The following FLG2 variants were observed in gnomAD, a reference collection of about 807,000 sequenced individuals.
FLG2 encodes the protein filaggrin 2.
FLG2 carries 7 observed loss-of-function variants against 3.9 expected under a neutral mutation model. The observed-to-expected ratio is 1.79, with a 90% CI of 1.02 to 3.36. The LOEUF (loss-of-function observed/expected upper bound fraction) is 3.36, where lower values mean the gene tolerates loss of function less well. Ranked by LOEUF, FLG2 falls within the 30% of genes most tolerant of loss-of-function variation. The pLI is 0.00. For synonymous variants in FLG2, 1,031 were observed against 1,056.1 expected (o/e 0.98, Z 0.46); for missense variants, 2,700 against 2,809.4 (o/e 0.96, Z 0.88).
At position 152,351,976 on chromosome 1, in the gene FLG2, T is replaced by G. The variant is rs1329118863; in HGVS notation, c.5810A>C (p.His1937Pro). The change falls in exon 3 of 3, where the codon CAT becomes CCT. Residue 1937 changes from histidine to proline, a missense_variant. Physicochemically the swap from His to Pro is moderately conservative, Grantham distance 77 (BLOSUM62 -2). Transcript: ENST00000388718. ...GDTTEHGHPS[H>P]GQTIQTGSRT... ...GGACCCTGTCTGTATGGTTTGTCCATGACTAGGGTGGCCATGTTCAGTGGT... is the reference window on the plus strand; with the variant it reads ...GGACCCTGTCTGTATGGTTTGTCCAGGACTAGGGTGGCCATGTTCAGTGGT... 2 of 1,613,636 alleles carry G rather than the reference T, an allele frequency of 1.2e-6. No individual in the cohort carries two copies. The highest frequency in any genetic ancestry group is 2.7e-5 in the African/African-American group (2 of 74,780).
At position 152,353,112 on chromosome 1, in the gene FLG2, A is replaced by T. The variant is rs1448361140; in HGVS notation, c.4674T>A (p.His1558Gln). 1.3e-5 allele frequency: 21 copies of T among 1,613,352 alleles called. No individual in the cohort carries two copies. Among genetic ancestry groups the T allele is most frequent in the Non-Finnish European group, 1.7e-5 (20 of 1,179,894 alleles). The change falls in exon 3 of 3, where the codon CAT becomes CAA. Residue 1558 changes from histidine (H) to glutamine (Q), a missense_variant. Transcript: ENST00000388718. ...TGGACCCTGTCTGTGTGGTTTGTTCATGACCAGAGTAGGAATGTCTAGTGG... is the reference window on the plus strand; with the variant it reads ...TGGACCCTGTCTGTGTGGTTTGTTCTTGACCAGAGTAGGAATGTCTAGTGG... Reference protein sequence around the residue: ...GDTTRHSYSGHEQTTQTGSRT... With the variant: ...GDTTRHSYSGQEQTTQTGSRT...
Position 152,357,605 on chromosome 1 carries a change from G to A in FLG2, c.181C>T (p.Leu61=), listed in dbSNP as rs932957514. ...AATCTTCTGTCATGATCTCGATCCA[G>A]CATATGCATGATGACATCCACTGTG... The part of the protein sequence containing the change: ...PDTVDVIMHM[L]DRDHDRRLDF... The change falls in exon 3 of 3, where the codon CTG becomes TTG. Residue 61 remains leucine (L), a synonymous_variant. Transcript: ENST00000388718. 2 of 1,613,756 alleles carry A rather than the reference G, an allele frequency of 1.2e-6. No individual in the cohort carries two copies. Among genetic ancestry groups the A allele is most frequent in the African/African-American group, 1.3e-5 (1 of 74,896 alleles).
Position 152,357,060 on chromosome 1 carries a change from A to G in FLG2, c.726T>C (p.Cys242=). Residue 242 remains cysteine, a synonymous_variant, in exon 3 of 3, where the codon TGT becomes TGC. Coordinates refer to ENST00000388718, the MANE Select transcript of FLG2 (RefSeq NM_001014342.3). The part of the protein sequence containing the change: ...WERKGHGGLS[C]GLETSGHESN... ...ATTCATGCCCACTAGTCTCCAATCC[A>G]CATGACAGACCACCATGACCTTTCC... is the stretch of plus-strand genomic sequence containing the variant. 6.2e-7 allele frequency: 1 copy of G among 1,614,168 alleles called. No homozygotes were observed. Among genetic ancestry groups the G allele is most frequent in the Non-Finnish European group, 8.5e-7 (1 of 1,180,028 alleles).
In FLG2 at chr1:152,356,718, TC is replaced by T; in HGVS notation, c.1067del (p.Gly356GlufsTer81). The T allele has an allele frequency of 6.2e-7, 1 of 1,614,170 alleles. No individual in the cohort carries two copies. The highest frequency in any genetic ancestry group is 8.5e-7 in the Non-Finnish European group (1 of 1,180,036). ...TCTGTGGTTGACCATTTTCTCTAGCTCCATATCCTCTCTGACTATAGGACTG... is the reference window on the plus strand; with the variant it reads ...TCTGTGGTTGACCATTTTCTCTAGCTCATATCCTCTCTGACTATAGGACTG... The part of the protein sequence containing the change: ...CSQSYSQRGY[G>X]ARENGQPQNC... On this transcript the variant is annotated frameshift_variant, in exon 3 of 3. Transcript: ENST00000388718. LOFTEE classifies it low-confidence loss of function (END_TRUNC).
rs1362134982 is a variant in FLG2 at position 152,352,807 on chromosome 1, T to G, written c.4979A>C (p.Glu1660Ala). ...TGTGTGTGAGACCCCTGAGTGCACTTCACTGTCACTGGACTCACTGTGGCT... is the reference window on the plus strand; with the variant it reads ...TGTGTGTGAGACCCCTGAGTGCACTGCACTGTCACTGGACTCACTGTGGCT... ...RSSHSESSDS[E>A]VHSGVSHTHT... The change falls in exon 3 of 3, where the codon GAA (glutamate) becomes GCA (alanine). Residue 1660 changes from glutamate to alanine, a missense_variant. Glu to Ala is a moderately radical substitution (Grantham distance 107). Transcript: ENST00000388718. 2 of 1,614,004 alleles carry G rather than the reference T, an allele frequency of 1.2e-6. No homozygotes were observed. The highest frequency in any genetic ancestry group is 8.5e-7 in the Non-Finnish European group (1 of 1,179,978).
chr1:152,348,790 C>T lies in FLG2; in HGVS notation c.*1820G>A, dbSNP rs1436861277. On this transcript the variant is annotated 3_prime_UTR_variant, in exon 3 of 3. Transcript: ENST00000388718. Reference sequence around the variant, plus strand: ...TTTATGAAGTACAATTTTCTGGATCCTATATCCAGAAGGCCATGACAATAA... The same window carrying T: ...TTTATGAAGTACAATTTTCTGGATCTTATATCCAGAAGGCCATGACAATAA... 2.0e-5 allele frequency: 3 copies of T among 152,116 alleles called. No homozygotes were observed. The highest frequency in any genetic ancestry group is 4.4e-5 in the Non-Finnish European group (3 of 68,022). 9.4% of individuals were successfully genotyped at this position (152,116 alleles called of 1,614,324 possible). A position where few individuals can be genotyped will look rare whatever the true frequency, so the allele number is the denominator to read the frequency against.
chr1:152,355,514 A>G lies in FLG2; in HGVS notation c.2272T>C (p.Phe758Leu), dbSNP rs759966914. 6.2e-7 allele frequency: 1 copy of G among 1,613,304 alleles called. No homozygotes were observed. The highest frequency in any genetic ancestry group is 2.2e-5 in the East Asian group (1 of 44,714). Residue 758 changes from phenylalanine (F) to leucine (L), a missense_variant, in exon 3 of 3, where the codon TTT (phenylalanine) becomes CTT (leucine). Transcript: ENST00000388718. ...CCTGATCTAGACTCATGTTGTCCAAAGCCAGAGGATTGTCCTGAGCCAGAC... is the reference window on the plus strand; with the variant it reads ...CCTGATCTAGACTCATGTTGTCCAAGGCCAGAGGATTGTCCTGAGCCAGAC... ...HGSGSGQSSG[F>L]GQHESRSGQS...
rs773806773 is a variant in FLG2, at chr1:152,350,881, C to T, written c.6905G>A (p.Gly2302Glu). Residue 2302 changes from glycine (G) to glutamate (E), a missense_variant, in exon 3 of 3, where the codon GGA becomes GAA. By Grantham distance (98) the Gly-to-Glu change is moderately conservative (BLOSUM62 -2). Coordinates refer to ENST00000388718, the MANE Select transcript of FLG2 (RefSeq NM_001014342.3). ...GRLETTHGQT[G>E]DTTRHGHSGY... Reference sequence around the variant, plus strand: ...AGAATGGCCATGTCTAGTGGTATCTCCTGTCTGTCCATGAGTAGTTTCCAG... The same window carrying T: ...AGAATGGCCATGTCTAGTGGTATCTTCTGTCTGTCCATGAGTAGTTTCCAG... 7.1e-5 allele frequency: 114 copies of T among 1,613,988 alleles called. No individual in the cohort carries two copies. The highest frequency in any genetic ancestry group is 9.3e-5 in the Non-Finnish European group (110 of 1,180,030).
rs148220116 is a variant in FLG2, at chr1:152,356,807, G to A, written c.979C>T (p.His327Tyr). ...CQSGIKGGQG[H>Y]GCVSGGQPSG... ...GGCTGACCTCCTGAGACACAGCCAT[G>A]GCCTTGTCCTCCCTTAATTCCTGAC... Residue 327 changes from histidine to tyrosine, a missense_variant, in exon 3 of 3, where the codon CAT (histidine) becomes TAT (tyrosine). Transcript: ENST00000388718. 3 of 1,614,078 alleles carry A rather than the reference G, an allele frequency of 1.9e-6. No homozygotes were observed. In the Admixed American group the frequency reaches 5.0e-5, roughly 27 times the overall value.
chr1:152,356,420 G>A lies in FLG2; in HGVS notation c.1366C>T (p.His456Tyr). The change falls in exon 3 of 3, where the codon CAT becomes TAT. Residue 456 changes from histidine (H) to tyrosine (Y), a missense_variant. His to Tyr is a moderately conservative substitution (Grantham distance 83). Coordinates refer to ENST00000388718, the MANE Select transcript of FLG2 (RefSeq NM_001014342.3). Reference protein sequence around the residue: ...VCGSGQTCGQHESTSSQSLGY... With the variant: ...VCGSGQTCGQYESTSSQSLGY... ...AAGGATTGACTTGATGTAGACTCAT[G>A]CTGGCCACAAGTTTGACCTGAGCCA... 1 of 1,614,096 alleles carries A rather than the reference G, an allele frequency of 6.2e-7. No homozygotes were observed. The highest frequency in any genetic ancestry group is 8.5e-7 in the Non-Finnish European group (1 of 1,180,024).
At chr1:152,357,695 A>T (rs370646147) in intron 2 of FLG2, 48 bp from the exon 3 acceptor site, 2 of 1,311,314 alleles carry the variant, frequency 1.5e-6, no homozygotes, top group African/African-American at 2.9e-5. Context: ...CCTAACCTGC[A>T]TACTCAACTA....
At chr1:152,359,728 C>T (rs926075435) in intron 1 of FLG2, among the ~76,000 whole-genome samples, 4 of 152,124 alleles carry the variant, frequency 2.6e-5, no homozygotes, top group Admixed American at 2.0e-4. Context: ...TGAACTTTTA[C>T]TTGCATTATT....
rs557443846 is a variant in FLG2, at chr1:152,351,840, G to T, written c.5946C>A (p.His1982Gln). Residue 1982 changes from histidine (H) to glutamine (Q), a missense_variant, in exon 3 of 3, where the codon CAC becomes CAA. Coordinates refer to ENST00000388718, the MANE Select transcript of FLG2 (RefSeq NM_001014342.3). ...GAACTGAGGATCCTGACTCTGGATA[G>T]TGAGATCCAGCTTGACCGTGAGTGT... is the stretch of plus-strand genomic sequence containing the variant. ...SGHTHGQAGS[H>Q]YPESGSSVHE... is the part of the protein sequence containing the mutation. 158 of 1,595,074 alleles carry T rather than the reference G, an allele frequency of 9.9e-5. 7 individuals are homozygous for T. The African/African-American group carries it at 2.0e-3, about 20-fold the overall frequency.
In FLG2 at chr1:152,354,694, C is replaced by G. The variant is rs766852070; in HGVS notation, c.3092G>C (p.Ser1031Thr). 2 of 1,613,958 alleles carry G rather than the reference C, an allele frequency of 1.2e-6. No individual in the cohort carries two copies. The highest frequency in any genetic ancestry group is 1.7e-6 in the Non-Finnish European group (2 of 1,179,998). ...QTTGFGQHRS[S>T]SGQYSGFGQH... ...TCCAAAGCCTGAGTATTGGCCTGAGCTTGACCTGTGTTGTCCAAAGCCAGT... is the reference window on the plus strand; with the variant it reads ...TCCAAAGCCTGAGTATTGGCCTGAGGTTGACCTGTGTTGTCCAAAGCCAGT... The change falls in exon 3 of 3, where the codon AGC becomes ACC. Residue 1031 changes from serine (S) to threonine (T), a missense_variant. Ser to Thr is a moderately conservative substitution (Grantham distance 58, BLOSUM62 1). Transcript: ENST00000388718.
At position 152,350,510 on chromosome 1, in the gene FLG2, A is replaced by C. The variant is rs1473203686; in HGVS notation, c.*100T>G. On this transcript the variant is annotated 3_prime_UTR_variant, in exon 3 of 3. Transcript: ENST00000388718. ...CGAGACTGATACTGAGAATCAACTGAATGTTCATAACTTACCATTGACTGT... is the reference window on the plus strand; with the variant it reads ...CGAGACTGATACTGAGAATCAACTGCATGTTCATAACTTACCATTGACTGT... 7.1e-7 allele frequency: 1 copy of C among 1,411,848 alleles called. No individual in the cohort carries two copies. The highest frequency in any genetic ancestry group is 9.5e-7 in the Non-Finnish European group (1 of 1,049,906). The allele number at this position is 1,411,848 out of a possible 1,614,324, so 87.5% of individuals were successfully genotyped here.
chr1:152,351,609 T>A lies in FLG2; in HGVS notation c.6177A>T (p.Gly2059=). Residue 2059 remains glycine (G), a synonymous_variant, in exon 3 of 3, where the codon GGA becomes GGT. Coordinates refer to ENST00000388718, the MANE Select transcript of FLG2 (RefSeq NM_001014342.3). ...TCTCATGAACTGAGGATCCTGACTC[T>A]CCATGTTGAGATCCGGCTTGGCCAT... The part of the protein sequence containing the change: ...HAHGQAGSQH[G]ESGSSVHERH... 6.2e-7 allele frequency: 1 copy of A among 1,610,980 alleles called. No individual in the cohort carries two copies. Among genetic ancestry groups the A allele is most frequent in the East Asian group, 2.3e-5 (1 of 44,304 alleles).
In FLG2 at chr1:152,354,250, A is replaced by C; in HGVS notation, c.3536T>G (p.Phe1179Cys). Reference sequence around the variant, plus strand: ...GTCTGAGCCAGACACATGCTGTCCAAAACTTGTGGTTGGACCTGAGCCAGA... The same window carrying C: ...GTCTGAGCCAGACACATGCTGTCCACAACTTGTGGTTGGACCTGAGCCAGA... ...HESGSGPTTS[F>C]GQHVSGSDNF... The change falls in exon 3 of 3, where the codon TTT becomes TGT. Residue 1179 changes from phenylalanine (F) to cysteine (C), a missense_variant. Transcript: ENST00000388718. 1 of 1,613,984 alleles carries C rather than the reference A, an allele frequency of 6.2e-7. No homozygotes were observed. Among genetic ancestry groups the C allele is most frequent in the South Asian group, 1.1e-5 (1 of 91,034 alleles).
rs1219463656 is a variant in FLG2 at position 152,356,788 on chromosome 1, C to T, written c.998G>A (p.Gly333Asp). ...AGGTTGACCACATCCAGAGGGCTGACCTCCTGAGACACAGCCATGGCCTTG... is the reference window on the plus strand; with the variant it reads ...AGGTTGACCACATCCAGAGGGCTGATCTCCTGAGACACAGCCATGGCCTTG... ...GGQGHGCVSG[G>D]QPSGCGQPES... Residue 333 changes from glycine (G) to aspartate (D), a missense_variant, in exon 3 of 3, where the codon GGT (glycine) becomes GAT (aspartate). Coordinates refer to ENST00000388718, the MANE Select transcript of FLG2 (RefSeq NM_001014342.3). The T allele has an allele frequency of 6.2e-7, 1 of 1,614,182 alleles. No individual in the cohort carries two copies. Among genetic ancestry groups the T allele is most frequent in the Non-Finnish European group, 8.5e-7 (1 of 1,180,016 alleles).
At position 152,357,368 on chromosome 1, in the gene FLG2, G is replaced by A. The variant is rs765304551; in HGVS notation, c.418C>T (p.His140Tyr). Residue 140 changes from histidine (H) to tyrosine (Y), a missense_variant, in exon 3 of 3, where the codon CAT (histidine) becomes TAT (tyrosine). His to Tyr is a moderately conservative substitution (Grantham distance 83). Coordinates refer to ENST00000388718, the MANE Select transcript of FLG2 (RefSeq NM_001014342.3). ...RHSSWSEGEE[H>Y]GYSSGHSRGT... ...CTTGAGTGCCCAGAACTATATCCAT[G>A]CTCCTCTCCCTCACTCCAACTTGAA... The A allele has an allele frequency of 6.2e-7, 1 of 1,614,068 alleles. No individual in the cohort carries two copies. The highest frequency in any genetic ancestry group is 8.5e-7 in the Non-Finnish European group (1 of 1,180,022).
Sources: gnomAD v4.1 joint callset for allele counts (sites outside exome capture counted in the v4.1 genomes callset) on GRCh38, gnomAD v4.1.1 for gene constraint, MANE v1.5 for transcripts, NCBI Gene and HGNC (gene_info 2026-07-23, HGNC 2026-07-21) for gene names.